AKT1: variants seen among roughly 807,000 people sequenced by gnomAD.
The protein encoded by AKT1 is AKT serine/threonine kinase 1.
Under a neutral mutation model 63.1 loss-of-function variants are expected in AKT1, and 21 were observed. That is an observed-to-expected ratio of 0.33 (90% confidence interval 0.24 to 0.48). The LOEUF is 0.48. Ranked by LOEUF, AKT1 falls within the 20% of genes least tolerant of loss-of-function variation. AKT1 has a pLI of 0.99. For synonymous variants in AKT1, 257 were observed against 253.1 expected (o/e 1.02, Z -0.15); for missense variants, 382 against 666.0 (o/e 0.57, Z 4.69).
intron 3 of AKT1, among the ~76,000 whole-genome samples, chr14:104,781,700 TG>T (rs1472782939): frequency 1.3e-5 from 2 of 152,044 alleles, no homozygotes; most frequent in Non-Finnish European, 2.9e-5. Flanking sequence ...CCAGGGCTGC[TG>T]GGGGGATGCT....
intron 4 of AKT1, chr14:104,777,434 G>T: frequency 3.1e-6 from 2 of 649,862 alleles, no homozygotes; most frequent in Non-Finnish European, 3.9e-6. Context: ...CTGGGACACA[G>T]CCACACTGGA....
At chr14:104,780,242 C>T (rs1242725836) in intron 3 of AKT1, 26 bp from the exon 4 acceptor site, 1 of 1,611,068 alleles carries the variant, frequency 6.2e-7, no homozygotes, top group Non-Finnish European at 8.5e-7. Flanking sequence ...TGGTGAGAGC[C>T]ACGCACACTC....
chr14:104,774,962 C>A lies in AKT1; in HGVS notation c.609G>T (p.Gln203His). Residue 203 changes from glutamine to histidine, a missense_variant, in exon 8 of 15, where the codon CAG becomes CAT. Around this residue, in one of 3 missense-constraint regions of AKT1, gnomAD observed 226 missense variants for 366.4 expected, o/e 0.62. Coordinates refer to ENST00000649815, the MANE Select transcript of AKT1 (RefSeq NM_001382430.1). ...CTGTGAGGAAGGGGTGCCTGGAGTT[C>A]TGCAGGACGCGGTTCTCGGTGAGTG... Reference protein sequence around the residue: ...AHTLTENRVLQNSRHPFLTAL... With the variant: ...AHTLTENRVLHNSRHPFLTAL... 6.2e-7 allele frequency: 1 copy of A among 1,612,756 alleles called. No homozygotes were observed. Among genetic ancestry groups the A allele is most frequent in the Non-Finnish European group, 8.5e-7 (1 of 1,179,786 alleles).
At chr14:104,775,457 A>C in intron 6 of AKT1, 195 bp downstream of exon 6, 1 of 1,067,908 alleles carries the variant, frequency 9.4e-7, no homozygotes, top group Non-Finnish European at 1.3e-6. Flanking sequence ...AGGGCTCAGC[A>C]ACCCCAGTTT....
intron 3 of AKT1, among the ~76,000 whole-genome samples, chr14:104,787,540 G>A (rs1423736054): frequency 6.6e-6 from 1 of 152,242 alleles, no homozygotes; most frequent in African/African-American, 2.4e-5. Context: ...CCAGGCAGAG[G>A]GGACGCCAGC....
In AKT1 at chr14:104,769,973, G is replaced by T. The variant is rs34865723; in HGVS notation, c.*368C>A. 7.6e-5 allele frequency: 33 copies of T among 432,124 alleles called. No homozygotes were observed. The highest frequency in any genetic ancestry group is 5.6e-4 in the African/African-American group (28 of 50,228). 26.8% of individuals were successfully genotyped at this position (432,124 alleles called of 1,614,324 possible). ...AGATAGCTGGTGACAGACAGCCCAGGGCGGCTGGCTGACAGAGTGAGGGGA... is the reference window on the plus strand; with the variant it reads ...AGATAGCTGGTGACAGACAGCCCAGTGCGGCTGGCTGACAGAGTGAGGGGA... On this transcript the variant is annotated 3_prime_UTR_variant, in exon 15 of 15. Transcript: ENST00000649815.
At position 104,770,163 on chromosome 14, in the gene AKT1, C is replaced by T; in HGVS notation, c.*178G>A. Reference sequence around the variant, plus strand: ...ACCCGCAGGATAGTTTTCTTCCCTACCCCGCTGCGGGGGAGGGTGCTGCCC... The same window carrying T: ...ACCCGCAGGATAGTTTTCTTCCCTATCCCGCTGCGGGGGAGGGTGCTGCCC... On this transcript the variant is annotated 3_prime_UTR_variant, in exon 15 of 15. Transcript: ENST00000649815. The T allele has an allele frequency of 1.5e-6, 1 of 661,904 alleles. No individual in the cohort carries two copies. Among genetic ancestry groups the T allele is most frequent in the Non-Finnish European group, 2.7e-6 (1 of 376,652 alleles). 41.0% of individuals were successfully genotyped at this position (661,904 alleles called of 1,614,324 possible).
intron 3 of AKT1, among the ~76,000 whole-genome samples, chr14:104,780,474 C>T (rs950536187): frequency 6.6e-6 from 1 of 152,184 alleles, no homozygotes; most frequent in African/African-American, 2.4e-5. Context: ...GCTGGGCCAG[C>T]TGGACGCAGG....
intron 9 of AKT1, 50 bp from the exon 10 acceptor site, chr14:104,773,630 C>T (rs1236893916): frequency 2.6e-6 from 4 of 1,566,246 alleles, no homozygotes. Context: ...CCTCTGCCCC[C>T]ATGGCCTGCA....
intron 13 of AKT1, 155 bp downstream of exon 13, chr14:104,772,210 G>C (rs1892427067): frequency 1.3e-6 from 1 of 793,150 alleles, no homozygotes; most frequent in Non-Finnish European, 2.1e-6. Flanking sequence ...AGGCGCTGAG[G>C]TTGGTGCAGC....
In AKT1 at chr14:104,775,155, T is replaced by A. The variant is rs1352687393; in HGVS notation, c.488A>T (p.Lys163Met). The A allele has an allele frequency of 6.2e-7, 1 of 1,614,002 alleles. No individual in the cohort carries two copies. Residue 163 changes from lysine (K) to methionine (M), a missense_variant, in exon 7 of 15, where the codon AAG (lysine) becomes ATG (methionine). Around this residue, in one of 3 missense-constraint regions of AKT1, gnomAD observed 226 missense variants for 366.4 expected, o/e 0.62. Transcript: ENST00000649815. ...GGCCTTCTCCTTCACCAGGATCACC[T>A]TGCCGAAAGTGCCCTTGCCCAGCAG... Reference protein sequence around the residue: ...LKLLGKGTFGKVILVKEKATG... With the variant: ...LKLLGKGTFGMVILVKEKATG...
chr14:104,773,885 T>C, intron 9 of AKT1, 27 bp downstream of exon 9: 1 of 1,586,082 alleles, frequency 6.3e-7, no homozygotes, highest in Non-Finnish European at 8.6e-7. Flanking sequence ...GGCCGCGAAG[T>C]CCATCCCCCG....
At chr14:104,782,297 C>T (rs1426398372) in intron 3 of AKT1, among the ~76,000 whole-genome samples, 2 of 152,130 alleles carry the variant, frequency 1.3e-5, no homozygotes, top group African/African-American at 2.4e-5. Flanking sequence ...CTCCCCGGGA[C>T]GCTAACTGAG....
chr14:104,780,068 G>A lies in AKT1; in HGVS notation c.175+20C>T, dbSNP rs2140948298. On this transcript the variant is annotated intron_variant, in intron 4 of 14. Transcript: ENST00000649815. ...CCAACCCCCCAAATCTGAATCCCGA[G>A]AGGCCAAGGGGATACTTACGCGCCA... 1 of 1,610,236 alleles carries A rather than the reference G, an allele frequency of 6.2e-7. No individual in the cohort carries two copies. The highest frequency in any genetic ancestry group is 8.5e-7 in the Non-Finnish European group (1 of 1,177,794).
chr14:104,781,391 TG>T (rs1893031736), intron 3 of AKT1, among the ~76,000 whole-genome samples: 1 of 152,140 alleles, frequency 6.6e-6, no homozygotes, highest in East Asian at 1.9e-4. Context: ...CCAGTCCTGC[TG>T]GGTCTTCGTG....
intron 6 of AKT1, 144 bp downstream of exon 6, chr14:104,775,508 G>A: frequency 5.7e-6 from 7 of 1,231,666 alleles, no homozygotes; most frequent in Non-Finnish European, 7.7e-6. Flanking sequence ...GGAAGCAGCT[G>A]CGCCCTACAT....
Position 104,781,534 on chromosome 14 carries a change from G to T in AKT1, c.47-1318C>A, listed in dbSNP as rs556066304. On this transcript the variant is annotated intron_variant, in intron 3 of 14. Coordinates refer to ENST00000649815, the MANE Select transcript of AKT1 (RefSeq NM_001382430.1). ...TTCTACTTTCCAGGGAGCCACGGGG[G>T]AGTTCTTTAATAGAGGTGAGCCACC... is the stretch of plus-strand genomic sequence containing the variant. Among the ~76,000 whole-genome samples, 32 of 152,284 alleles carry T rather than the reference G, an allele frequency of 2.1e-4. 1 individual carries two copies. In the East Asian group the frequency reaches 5.6e-3, roughly 27 times the overall value.
chr14:104,792,523 C>T, intron 3 of AKT1, 75 bp downstream of exon 3: 1 of 1,556,954 alleles, frequency 6.4e-7, no homozygotes, highest in Non-Finnish European at 8.8e-7. Flanking sequence ...CAGCAGGGCA[C>T]AGGCACTCAC....
At chr14:104,774,817 C>T (rs1253513615) in intron 8 of AKT1, 121 bp downstream of exon 8, 17 of 1,108,650 alleles carry the variant, frequency 1.5e-5, no homozygotes, top group Non-Finnish European at 1.8e-5. Flanking sequence ...TCACCAGCGG[C>T]GGAGTCCACG....
Sources: gnomAD v4.1 joint callset for allele counts (sites outside exome capture counted in the v4.1 genomes callset) on GRCh38, gnomAD v4.1.1 for gene constraint, gnomAD v4.1.1 regional missense constraint, MANE v1.5 for transcripts, NCBI Gene and HGNC (gene_info 2026-07-23, HGNC 2026-07-21) for gene names.